ENPP6: variants seen among roughly 807,000 people sequenced by gnomAD.
ENPP6 encodes ectonucleotide pyrophosphatase/phosphodiesterase 6.
In ENPP6, 32 loss-of-function variants were observed where a neutral mutation model predicts 42.0. The ratio of observed to expected loss-of-function variants is 0.76; its 90% CI spans 0.58 to 1.02. ENPP6 has a LOEUF of 1.02. Ranked by LOEUF, ENPP6 falls within the 50% of genes least tolerant of loss-of-function variation. The pLI is 0.00. For missense variants in ENPP6, 552 were observed against 566.8 expected (o/e 0.97, Z 0.27); for synonymous variants, 213 against 216.0 (o/e 0.99, Z 0.12).
chr4:184,093,683 A>AATAATG (rs1485270852), intron 7 of ENPP6, among the ~76,000 whole-genome samples: 2 of 148,400 alleles, frequency 1.3e-5, no homozygotes. Context: ...TAATAATAAT[A>AATAATG]ATGTAAAACC....
chr4:184,139,870 T>C (rs76497952), intron 2 of ENPP6, among the ~76,000 whole-genome samples: 6,457 of 68,796 alleles, frequency 0.094, 2,375 homozygotes, highest in African/African-American at 0.38. Flanking sequence ...TGGGTATATA[T>C]CCAGTAATGG....
At chr4:184,100,435 C>A (rs1366488384) in intron 6 of ENPP6, among the ~76,000 whole-genome samples, 3 of 152,192 alleles carry the variant, frequency 2.0e-5, no homozygotes, top group Admixed American at 2.0e-4. Context: ...GCCTGCTGAC[C>A]CCATCCAGCC....
intron 1 of ENPP6, among the ~76,000 whole-genome samples, chr4:184,170,724 A>G (rs1335862259): frequency 6.6e-6 from 1 of 152,174 alleles, no homozygotes; most frequent in East Asian, 1.9e-4. Flanking sequence ...GTCTTAGGCA[A>G]GAATCCACTG....
At chr4:184,133,379 G>A (rs1036163413) in intron 2 of ENPP6, among the ~76,000 whole-genome samples, 6 of 151,970 alleles carry the variant, frequency 3.9e-5, no homozygotes, top group Middle Eastern at 3.4e-3. Context: ...CATCTTTCAC[G>A]TATTTGAATT....
chr4:184,178,005 T>G (rs1001523629), intron 1 of ENPP6, among the ~76,000 whole-genome samples: 6 of 152,132 alleles, frequency 3.9e-5, no homozygotes, highest in African/African-American at 1.4e-4. Context: ...GGCACAGAAC[T>G]GGGCTGAAGC....
At chr4:184,107,917 T>TA (rs34041004) in intron 6 of ENPP6, among the ~76,000 whole-genome samples, 1,951 of 115,900 alleles carry the variant, frequency 0.017, 17 homozygotes, top group African/African-American at 0.025. Context: ...TCAGTCTCAA[T>TA]AAAAAAAAAA....
intron 1 of ENPP6, among the ~76,000 whole-genome samples, chr4:184,212,895 C>T (rs990462766): frequency 4.6e-5 from 7 of 152,078 alleles, no homozygotes; most frequent in East Asian, 1.9e-4. Flanking sequence ...ACAGAGATAT[C>T]GATCAATGGA....
At chr4:184,212,840 A>G (rs1187118459) in intron 1 of ENPP6, among the ~76,000 whole-genome samples, 2 of 152,096 alleles carry the variant, frequency 1.3e-5, no homozygotes, top group African/African-American at 4.8e-5. Context: ...TTCAAACTAT[A>G]CTACAAGGCT....
At chr4:184,198,330 CT>C (rs1732838063) in intron 1 of ENPP6, among the ~76,000 whole-genome samples, 1 of 152,258 alleles carries the variant, frequency 6.6e-6, no homozygotes, top group Admixed American at 6.5e-5. Context: ...TCCACTGCCC[CT>C]GAGGGAGTGT....
chr4:184,116,747 A>C (rs970537399), intron 5 of ENPP6, 109 bp downstream of exon 5: 9 of 1,423,768 alleles, frequency 6.3e-6, no homozygotes, highest in African/African-American at 1.4e-5. Context: ...AAAAGAAACA[A>C]ACACACACAC....
At position 184,089,838 on chromosome 4, in the gene ENPP6, T is replaced by C. The variant is rs1050339902; in HGVS notation, c.*1339A>G. 1.3e-5 allele frequency: 2 copies of C among 152,126 alleles called. No homozygotes were observed. The highest frequency in any genetic ancestry group is 4.8e-5 in the African/African-American group (2 of 41,420). 9.4% of individuals were successfully genotyped at this position (152,126 alleles called of 1,614,324 possible). ...GATAGTGTATGCAAGTATATATATG[T>C]ATATAGATATAAATGATCATGTAAA... On this transcript the variant is annotated 3_prime_UTR_variant, in exon 8 of 8. Coordinates refer to ENST00000296741, the MANE Select transcript of ENPP6 (RefSeq NM_153343.4).
intron 7 of ENPP6, among the ~76,000 whole-genome samples, chr4:184,093,309 G>A (rs1735840047): frequency 6.6e-6 from 1 of 152,108 alleles, no homozygotes; most frequent in South Asian, 2.1e-4. Context: ...GAGGATAAGG[G>A]TCAGCTTCTC....
chr4:184,181,309 T>C (rs1390331755), intron 1 of ENPP6, among the ~76,000 whole-genome samples: 2 of 152,086 alleles, frequency 1.3e-5, no homozygotes, highest in Non-Finnish European at 2.9e-5. Flanking sequence ...ACAAGGCAAG[T>C]AAAGGACTTC....
At chr4:184,129,893 G>C (rs1185336291) in intron 2 of ENPP6, among the ~76,000 whole-genome samples, 1 of 151,372 alleles carries the variant, frequency 6.6e-6, no homozygotes, top group Non-Finnish European at 1.5e-5. Flanking sequence ...CAACAAAATA[G>C]AAGAAAGGAC....
intron 3 of ENPP6, among the ~76,000 whole-genome samples, chr4:184,123,748 A>G (rs1291824890): frequency 6.6e-6 from 1 of 152,186 alleles, no homozygotes; most frequent in Non-Finnish European, 1.5e-5. Context: ...CATTTTGTAC[A>G]TGGGTACAAG....
intron 2 of ENPP6, among the ~76,000 whole-genome samples, chr4:184,132,729 T>C (rs539726034): frequency 6.6e-6 from 1 of 151,918 alleles, no homozygotes; most frequent in Non-Finnish European, 1.5e-5. Flanking sequence ...AGAATTAATT[T>C]TCATATATGG....
At chr4:184,207,316 T>C (rs1431420652) in intron 1 of ENPP6, among the ~76,000 whole-genome samples, 1 of 152,232 alleles carries the variant, frequency 6.6e-6, no homozygotes, top group Non-Finnish European at 1.5e-5. Context: ...CAAACAAATG[T>C]TACCATTAGC....
chr4:184,105,288 A>G (rs1207565069), intron 6 of ENPP6, among the ~76,000 whole-genome samples: 2 of 152,204 alleles, frequency 1.3e-5, no homozygotes, highest in African/African-American at 4.8e-5. Context: ...TTTTTGCAGT[A>G]TGACACGAGC....
intron 6 of ENPP6, among the ~76,000 whole-genome samples, chr4:184,110,695 A>C (rs931939254): frequency 2.6e-5 from 4 of 152,208 alleles, no homozygotes; most frequent in African/African-American, 4.8e-5. Flanking sequence ...GAAAGCCAAG[A>C]GCATTGCAGA....
Sources: gnomAD v4.1 joint callset for allele counts (sites outside exome capture counted in the v4.1 genomes callset) on GRCh38, gnomAD v4.1.1 for gene constraint, MANE v1.5 for transcripts, NCBI Gene and HGNC (gene_info 2026-07-23, HGNC 2026-07-21) for gene names.